The following ME2 variants were observed in gnomAD, a reference collection of about 807,000 sequenced individuals.
ME2 encodes malic enzyme 2.
A neutral mutation model predicts 73.7 loss-of-function variants in ME2; 60 were observed. The observed-to-expected ratio is 0.81, with a 90% CI of 0.66 to 1.01. ME2 has a LOEUF of 1.01. ME2 is among the 50% of genes least tolerant of loss of function. The pLI, the probability that ME2 is intolerant of heterozygous loss-of-function variation, is 0.00. For synonymous variants in ME2, 199 were observed against 236.9 expected (o/e 0.84, Z 1.47); for missense variants, 594 against 705.5 (o/e 0.84, Z 1.79).
rs139073722 is a variant in ME2, at chr18:50,917,487, T to C, written c.609T>C (p.Ile203=). ...IRPDRCLPVC[I]DVGTDNIALL... is the part of the protein sequence containing the mutation. ...CTGATAGATGCCTGCCAGTGTGTAT[T>C]GATGTGGGAACTGATAATATCGTGA... The change falls in exon 6 of 16, where the codon ATT becomes ATC. Residue 203 remains isoleucine (I), a synonymous_variant. Transcript: ENST00000321341. 9.5e-5 allele frequency: 153 copies of C among 1,610,754 alleles called. 1 individual carries two copies. The highest frequency in any genetic ancestry group is 2.3e-4 in the Admixed American group (14 of 59,974).
Position 50,953,148 on chromosome 18 carries a change from G to C in ME2, c.*5964G>C, listed in dbSNP as rs531653765. ...ACAGCCTTGCTCTGTCTCCCAGGCTGGAGTGCAGTGGCGCAATCTCAGCTC... is the reference window on the plus strand; with the variant it reads ...ACAGCCTTGCTCTGTCTCCCAGGCTCGAGTGCAGTGGCGCAATCTCAGCTC... On this transcript the variant is annotated 3_prime_UTR_variant, in exon 16 of 16. Coordinates refer to ENST00000321341, the MANE Select transcript of ME2 (RefSeq NM_002396.5). 26 of 145,708 alleles carry C rather than the reference G, an allele frequency of 1.8e-4. No individual in the cohort carries two copies. Among genetic ancestry groups the C allele is most frequent in the Admixed American group, 1.4e-3 (20 of 14,388 alleles). The allele number at this position is 145,708 out of a possible 1,614,324, so 9.0% of individuals were successfully genotyped here. A position where few individuals can be genotyped will look rare whatever the true frequency, so the allele number is the denominator to read the frequency against.
At position 50,941,261 on chromosome 18, in the gene ME2, CAAAA is replaced by C. The variant is rs35785739; in HGVS notation, c.1587+891_1587+894del. 1.3e-3 allele frequency among the ~76,000 whole-genome samples: 118 copies of C among 89,720 alleles called. 2 individuals are homozygous for C. Among genetic ancestry groups the C allele is most frequent in the African/African-American group, 2.5e-3 (57 of 22,592 alleles). The allele number at this position is 89,720 out of a possible 152,430, so 58.9% of individuals were successfully genotyped here. On this transcript the variant is annotated intron_variant, in intron 15 of 15. Transcript: ENST00000321341. ...GGGCCACAAGAGCAAAACTCCATCT[CAAAA>C]AAAAAAAAAAAAAAAGAAAGAAAGA...
intron 2 of ME2, among the ~76,000 whole-genome samples, chr18:50,896,616 T>C (rs1916752903): frequency 6.6e-6 from 1 of 152,122 alleles, no homozygotes; most frequent in Admixed American, 6.5e-5. Context: ...TACAAGAAGA[T>C]TGCAAGAGGA....
intron 4 of ME2, among the ~76,000 whole-genome samples, chr18:50,915,021 A>G (rs1380657966): frequency 1.3e-5 from 2 of 152,130 alleles, no homozygotes; most frequent in East Asian, 3.8e-4. Context: ...TGAACAACAC[A>G]GGTGTGAAGG....
At chr18:50,905,690 A>T (rs1434127842) in intron 2 of ME2, among the ~76,000 whole-genome samples, 1 of 152,168 alleles carries the variant, frequency 6.6e-6, no homozygotes, top group Non-Finnish European at 1.5e-5. Flanking sequence ...ATTTTTTCTT[A>T]TTGGCAGTTG....
chr18:50,894,353 C>T (rs1916681380), intron 1 of ME2, among the ~76,000 whole-genome samples: 1 of 149,358 alleles, frequency 6.7e-6, no homozygotes, highest in African/African-American at 2.5e-5. Context: ...CACCTGAGGT[C>T]AGGAGTTCAA....
At chr18:50,946,010 T>G (rs1379117669) in intron 15 of ME2, among the ~76,000 whole-genome samples, 1 of 152,146 alleles carries the variant, frequency 6.6e-6, no homozygotes, top group Non-Finnish European at 1.5e-5. Context: ...GAGGTTGCAG[T>G]GAGCTGAGAT....
At chr18:50,902,125 C>A (rs964141428) in intron 2 of ME2, among the ~76,000 whole-genome samples, 1 of 152,164 alleles carries the variant, frequency 6.6e-6, no homozygotes, top group African/African-American at 2.4e-5. Flanking sequence ...AATACCTATG[C>A]AAACCATTAA....
intron 2 of ME2, among the ~76,000 whole-genome samples, chr18:50,897,822 G>A (rs1490238320): frequency 6.6e-6 from 1 of 151,750 alleles, no homozygotes; most frequent in Non-Finnish European, 1.5e-5. Context: ...TCGTGCCATT[G>A]CATGCCATCC....
Position 50,912,900 on chromosome 18 carries a change from G to A in ME2, c.342G>A (p.Pro114=), listed in dbSNP as rs189077012. 1.1e-4 allele frequency: 179 copies of A among 1,611,670 alleles called. No individual in the cohort carries two copies. In the East Asian group the frequency reaches 2.4e-3, roughly 21 times the overall value. Residue 114 remains proline (P), a synonymous_variant, in exon 4 of 16, where the codon CCG becomes CCA. Coordinates refer to ENST00000321341, the MANE Select transcript of ME2 (RefSeq NM_002396.5). ...GTTTAATGCCAATTGTATATACACC[G>A]ACGGTTGGTCTTGCCTGCTCCCAGT... ...IESLMPIVYT[P]TVGLACSQYG...
rs1422745231 is a variant in ME2, at chr18:50,921,270, G to T, written c.1056+83G>T. 13 of 669,152 alleles carry T rather than the reference G, an allele frequency of 1.9e-5. No individual in the cohort carries two copies. The Admixed American group carries it at 4.7e-4, about 24-fold the overall frequency. The allele number at this position is 669,152 out of a possible 1,614,324, so 41.5% of individuals were successfully genotyped here. On this transcript the variant is annotated intron_variant, in intron 10 of 15. Transcript: ENST00000321341. ...TTAAAATATTATTCCTTAAAATCTTGTTTCTCATTGGAGTCTCCAAATTAT... is the reference window on the plus strand; with the variant it reads ...TTAAAATATTATTCCTTAAAATCTTTTTTCTCATTGGAGTCTCCAAATTAT...
intron 1 of ME2, among the ~76,000 whole-genome samples, chr18:50,879,526 G>A (rs940832768): frequency 1.3e-5 from 2 of 152,222 alleles, no homozygotes; most frequent in Admixed American, 1.3e-4. Flanking sequence ...GGCGACCCAG[G>A]TTCCAGCGGC....
chr18:50,929,322 A>G (rs1917637728), intron 12 of ME2, among the ~76,000 whole-genome samples: 1 of 151,838 alleles, frequency 6.6e-6, no homozygotes, highest in South Asian at 2.1e-4. Flanking sequence ...CCCTGTCTCT[A>G]CTAAAAATAC....
intron 15 of ME2, chr18:50,942,563 TCTTTA>T (rs1917989427): frequency 9.0e-6 from 2 of 221,910 alleles, no homozygotes; most frequent in South Asian, 3.7e-4. Flanking sequence ...TCACTATCTC[TCTTTA>T]CTTATTAAGA....
chr18:50,922,975 G>T (rs1183244767), intron 10 of ME2, among the ~76,000 whole-genome samples: 1 of 152,152 alleles, frequency 6.6e-6, no homozygotes, highest in East Asian at 1.9e-4. Flanking sequence ...TGAGTTCTCA[G>T]TTGGTTTTTG....
chr18:50,901,071 T>C lies in ME2; in HGVS notation c.108+5143T>C, dbSNP rs147584871. ...AACATGTGATGTGAATAATTGTGGA[T>C]TTGTGATGAACAGAGCTTGCCACTT... On this transcript the variant is annotated intron_variant, in intron 2 of 15. Transcript: ENST00000321341. 2.3e-3 allele frequency among the ~76,000 whole-genome samples: 350 copies of C among 152,318 alleles called. 2 individuals are homozygous for C. The highest frequency in any genetic ancestry group is 8.2e-3 in the African/African-American group (342 of 41,562).
intron 1 of ME2, 29 bp from the exon 2 acceptor site, chr18:50,895,780 C>T (rs1172688067): frequency 1.4e-6 from 2 of 1,410,560 alleles, no homozygotes; most frequent in South Asian, 1.2e-5. Flanking sequence ...TGATTCTCTT[C>T]AGTGGTTTAT....
intron 2 of ME2, among the ~76,000 whole-genome samples, chr18:50,899,407 G>A (rs929923974): frequency 2.6e-5 from 4 of 152,140 alleles, no homozygotes; most frequent in African/African-American, 9.7e-5. Context: ...TCAAGAGTTT[G>A]AGACCAGCCT....
intron 1 of ME2, among the ~76,000 whole-genome samples, chr18:50,882,436 A>G (rs1261932691): frequency 6.6e-6 from 1 of 152,196 alleles, no homozygotes; most frequent in Non-Finnish European, 1.5e-5. Flanking sequence ...AAGGCTTGAC[A>G]CTATTAATAA....
Sources: gnomAD v4.1 joint callset for allele counts (sites outside exome capture counted in the v4.1 genomes callset) on GRCh38, gnomAD v4.1.1 for gene constraint, MANE v1.5 for transcripts, NCBI Gene and HGNC (gene_info 2026-07-23, HGNC 2026-07-21) for gene names.